IL1RAPL2: variants seen among roughly 807,000 people sequenced by gnomAD.
IL1RAPL2 encodes X-linked interleukin-1 receptor accessory protein-like 2.
Under a neutral mutation model 44.1 loss-of-function variants are expected in IL1RAPL2, and 3 were observed. The ratio of observed to expected loss-of-function variants is 0.07; its 90% CI spans 0.03 to 0.18. The LOEUF (loss-of-function observed/expected upper bound fraction) is 0.18. Ranked by LOEUF, IL1RAPL2 falls within the 10% of genes least tolerant of loss-of-function variation. The pLI is 1.00. For missense variants in IL1RAPL2, 391 were observed against 496.4 expected, an observed-to-expected ratio of 0.79 and a Z score of 2.02; for synonymous variants, 181 against 178.8, an observed-to-expected ratio of 1.01 and a Z score of -0.10.
intron 2 of IL1RAPL2, among the ~76,000 whole-genome samples, chrX:104,722,283 CAA>C (rs771643686): frequency 1.5e-4 from 17 of 111,319 alleles, no homozygotes; most frequent in African/African-American, 4.9e-4. Context: ...TATTTATAAA[CAA>C]AAATTTGAAT....
chrX:104,607,862 A>G (rs768206991), intron 1 of IL1RAPL2, among the ~76,000 whole-genome samples: 1 of 112,228 alleles, frequency 8.9e-6, no homozygotes, highest in East Asian at 2.8e-4. Flanking sequence ...CATTTGACCC[A>G]GCAATCCCAT....
chrX:104,609,517 G>C (rs1446373615), intron 1 of IL1RAPL2, among the ~76,000 whole-genome samples: 1 of 112,121 alleles, frequency 8.9e-6, no homozygotes, highest in East Asian at 2.8e-4. Flanking sequence ...TCTTCACATA[G>C]TCCCATATTT....
chrX:104,822,737 G>A (rs1448785042), intron 2 of IL1RAPL2, among the ~76,000 whole-genome samples: 1 of 111,685 alleles, frequency 9.0e-6, no homozygotes, highest in African/African-American at 3.3e-5. Context: ...TTGTCTATAT[G>A]GGATCTTTTT....
intron 5 of IL1RAPL2, among the ~76,000 whole-genome samples, chrX:105,348,311 G>A (rs1256570718): frequency 1.8e-5 from 2 of 111,253 alleles, no homozygotes; most frequent in Admixed American, 9.7e-5. Flanking sequence ...TCTAGAGCCA[G>A]ATATCCTGGG....
chrX:104,883,149 G>A (rs1923118452), intron 2 of IL1RAPL2, among the ~76,000 whole-genome samples: 1 of 111,746 alleles, frequency 8.9e-6, no homozygotes, highest in Non-Finnish European at 1.9e-5. Context: ...ACACATTTTG[G>A]TGACCACAAA....
chrX:104,651,698 A>G (rs1159984495), intron 1 of IL1RAPL2, among the ~76,000 whole-genome samples: 2 of 111,259 alleles, frequency 1.8e-5, no homozygotes, highest in Non-Finnish European at 3.8e-5. Context: ...TATAGCAGAG[A>G]TGAGCCAATG....
intron 4 of IL1RAPL2, among the ~76,000 whole-genome samples, chrX:105,238,473 A>G (rs1029523729): frequency 2.4e-4 from 27 of 111,256 alleles, no homozygotes; most frequent in Middle Eastern, 4.7e-3. Context: ...GGGTTGTGTA[A>G]GGTGTGAACA....
intron 2 of IL1RAPL2, among the ~76,000 whole-genome samples, chrX:105,103,542 G>A (rs2032698514): frequency 9.0e-6 from 1 of 111,717 alleles, no homozygotes; most frequent in Non-Finnish European, 1.9e-5. Context: ...ATTTTCTCCT[G>A]CAGTTATTCA....
chrX:105,191,443 G>T (rs112816725), intron 2 of IL1RAPL2, among the ~76,000 whole-genome samples: 3,421 of 111,723 alleles, frequency 0.031, 136 homozygotes, highest in African/African-American at 0.11. Flanking sequence ...TTGAACTCAT[G>T]ACCTCAGGTG....
intron 2 of IL1RAPL2, among the ~76,000 whole-genome samples, chrX:105,055,349 C>T (rs1049216254): frequency 8.9e-6 from 1 of 111,814 alleles, no homozygotes; most frequent in Non-Finnish European, 1.9e-5. Flanking sequence ...TACCATCAAA[C>T]TGGGGATTAG....
At chrX:105,274,397 A>G (rs2034470261) in intron 5 of IL1RAPL2, among the ~76,000 whole-genome samples, 1 of 112,384 alleles carries the variant, frequency 8.9e-6, no homozygotes, top group Non-Finnish European at 1.9e-5. Flanking sequence ...CCCTACTAGT[A>G]TGATAATTTA....
intron 7 of IL1RAPL2, among the ~76,000 whole-genome samples, chrX:105,722,339 CA>C (rs1470546863): frequency 1.8e-5 from 2 of 111,436 alleles, no homozygotes; most frequent in East Asian, 5.7e-4. Context: ...TTGTGTGATC[CA>C]TGATCTATTT....
chrX:105,402,175 T>A (rs1246924703), intron 5 of IL1RAPL2, among the ~76,000 whole-genome samples: 1 of 111,598 alleles, frequency 9.0e-6, no homozygotes, highest in African/African-American at 3.2e-5. Context: ...TTTTAAAATC[T>A]TCAGTTATTT....
At chrX:105,307,068 A>G (rs1055598615) in intron 5 of IL1RAPL2, among the ~76,000 whole-genome samples, 5 of 105,027 alleles carry the variant, frequency 4.8e-5, no homozygotes, top group Non-Finnish European at 9.5e-5. Flanking sequence ...AAGTGTGCAG[A>G]AAAAAAACTA....
chrX:104,787,092 A>C (rs1025214206), intron 2 of IL1RAPL2, among the ~76,000 whole-genome samples: 1 of 110,110 alleles, frequency 9.1e-6, no homozygotes, highest in Non-Finnish European at 1.9e-5. Flanking sequence ...TTGAGTACCC[A>C]CTTTGTGCCA....
At chrX:104,657,730 A>G (rs1930298565) in intron 1 of IL1RAPL2, among the ~76,000 whole-genome samples, 1 of 111,884 alleles carries the variant, frequency 8.9e-6, no homozygotes, top group Non-Finnish European at 1.9e-5. Context: ...CTGTTTAACA[A>G]AGGGCTAATG....
intron 2 of IL1RAPL2, among the ~76,000 whole-genome samples, chrX:105,054,366 C>G (rs1238967136): frequency 9.0e-6 from 1 of 111,466 alleles, no homozygotes; most frequent in Non-Finnish European, 1.9e-5. Context: ...GTTCAAGAAA[C>G]TGCTGTATTG....
chrX:104,942,607 G>A (rs1010609697), intron 2 of IL1RAPL2, among the ~76,000 whole-genome samples: 7 of 111,286 alleles, frequency 6.3e-5, no homozygotes, highest in East Asian at 2.8e-4. Flanking sequence ...TAAATGATGG[G>A]GTTTTCTAAA....
intron 6 of IL1RAPL2, among the ~76,000 whole-genome samples, chrX:105,635,911 T>A (rs748729257): frequency 5.4e-5 from 6 of 111,383 alleles, no homozygotes; most frequent in Non-Finnish European, 7.5e-5. Context: ...GATATTAGAA[T>A]GATTGTGAAA....
Sources: gnomAD v4.1 joint callset for allele counts (sites outside exome capture counted in the v4.1 genomes callset) on GRCh38, gnomAD v4.1.1 for gene constraint, MANE v1.5 for transcripts, NCBI Gene and HGNC (gene_info 2026-07-23, HGNC 2026-07-21) for gene names.